Variants in YAP1 observed in about 807,000 individuals in gnomAD.
YAP1 encodes Yes1 associated transcriptional regulator.
In YAP1, 5 loss-of-function variants were observed where a neutral mutation model predicts 56.9. The observed-to-expected ratio is 0.09, with a 90% CI of 0.05 to 0.18. The LOEUF (loss-of-function observed/expected upper bound fraction) is 0.18, where lower values mean the gene tolerates loss of function less well. Among genes scored for constraint, YAP1 ranks in the 10% least tolerant of loss-of-function variants. The probability of loss-of-function intolerance (pLI) is 1.00; values close to 1 mark genes in which losing one functional copy is unlikely to be tolerated. For synonymous variants in YAP1, 265 were observed against 248.1 expected (o/e 1.07, Z -0.64); for missense variants, 539 against 651.8 (o/e 0.83, Z 1.88).
At chr11:102,113,650 A>G (rs1461470488) in intron 1 of YAP1, among the ~76,000 whole-genome samples, 1 of 152,170 alleles carries the variant, frequency 6.6e-6, no homozygotes, top group African/African-American at 2.4e-5. Context: ...ATGGCATTTT[A>G]TCATGGTTGG....
chr11:102,155,433 A>G (rs1662275951), intron 2 of YAP1, among the ~76,000 whole-genome samples: 1 of 152,188 alleles, frequency 6.6e-6, no homozygotes, highest in Admixed American at 6.5e-5. Flanking sequence ...CTAACTTACA[A>G]TATGAATCTT....
chr11:102,186,295 T>A, intron 4 of YAP1, 164 bp downstream of exon 4: 1 of 782,160 alleles, frequency 1.3e-6, no homozygotes, highest in Non-Finnish European at 2.0e-6. Context: ...CTTCTCATTG[T>A]AAACTTGAGA....
intron 6 of YAP1, among the ~76,000 whole-genome samples, chr11:102,218,637 A>G (rs1246983279): frequency 6.6e-6 from 1 of 152,270 alleles, no homozygotes; most frequent in East Asian, 1.9e-4. Flanking sequence ...TTTCAAGTCT[A>G]ATTTAGGTGA....
rs984440043 is a variant in YAP1, at chr11:102,165,184, C to A, written c.688+2613C>A. On this transcript the variant is annotated intron_variant, in intron 3 of 8. Transcript: ENST00000282441. The stretch of plus-strand genomic sequence containing the variant: ...GACCCGCCTGGGAAACATGGTGAAA[C>A]CTTGTCTCTACAAAAAAAAAAAAAT... Among the ~76,000 whole-genome samples, 5 of 150,932 alleles carry A rather than the reference C, an allele frequency of 3.3e-5. No individual in the cohort carries two copies. In the East Asian group the frequency reaches 5.8e-4, roughly 18 times the overall value.
rs1413984426 is a variant in YAP1, at chr11:102,209,540, C to T, written c.1008C>T (p.Ser336=). ...AGGCAATGCGGAATATCAATCCCAGCACAGCAAATTCTCCAAAATGTCAGG... is the reference window on the plus strand; with the variant it reads ...AGGCAATGCGGAATATCAATCCCAGTACAGCAAATTCTCCAAAATGTCAGG... ...LRQAMRNINP[S]TANSPKCQEL... The change falls in exon 6 of 9, where the codon AGC becomes AGT. Residue 336 remains serine (S), a synonymous_variant. Coordinates refer to ENST00000282441, the MANE Select transcript of YAP1 (RefSeq NM_001130145.3). 2 of 1,598,560 alleles carry T rather than the reference C, an allele frequency of 1.3e-6. No homozygotes were observed. Among genetic ancestry groups the T allele is most frequent in the Non-Finnish European group, 1.7e-6 (2 of 1,175,456 alleles).
chr11:102,189,850 CAGAGTT>C (rs1474776701), intron 4 of YAP1, among the ~76,000 whole-genome samples: 13 of 152,152 alleles, frequency 8.5e-5, no homozygotes, highest in South Asian at 4.1e-4. Flanking sequence ...TCTTTTTCAT[CAGAGTT>C]AAATATTTGG....
intron 2 of YAP1, among the ~76,000 whole-genome samples, chr11:102,130,720 C>CTTTTTTTTTTT (rs61175592): frequency 3.1e-5 from 3 of 98,156 alleles, no homozygotes; most frequent in Non-Finnish European, 4.0e-5. Flanking sequence ...GATAACTACT[C>CTTTTTTTTTTT]TTTTTTTTTT....
At chr11:102,207,833 A>G (rs1949199108) in intron 5 of YAP1, among the ~76,000 whole-genome samples, 1 of 152,236 alleles carries the variant, frequency 6.6e-6, no homozygotes, top group African/African-American at 2.4e-5. Context: ...GTAAGACAGT[A>G]TGTGCCAACA....
chr11:102,120,012 A>G (rs1380776696), intron 2 of YAP1, among the ~76,000 whole-genome samples: 2 of 152,220 alleles, frequency 1.3e-5, no homozygotes, highest in Non-Finnish European at 2.9e-5. Flanking sequence ...GGGAGGTCTT[A>G]AAGAGCTGTG....
Position 102,229,033 on chromosome 11 carries a change from A to G in YAP1, c.1277-669A>G, listed in dbSNP as rs1053051325. ...TCTAATCTGTATTGCTCTCTTCTCC[A>G]GACCCCTGTAGCACTTAATGGTTTA... On this transcript the variant is annotated intron_variant, in intron 8 of 8. Transcript: ENST00000282441. Among the ~76,000 whole-genome samples the G allele has an allele frequency of 5.9e-5, 9 of 152,212 alleles. 1 individual carries two copies. The highest frequency in any genetic ancestry group is 3.9e-4 in the Admixed American group (6 of 15,284).
intron 4 of YAP1, among the ~76,000 whole-genome samples, chr11:102,191,570 T>C (rs1001125087): frequency 1.1e-4 from 17 of 152,154 alleles, no homozygotes; most frequent in Non-Finnish European, 2.1e-4. Flanking sequence ...TACATGAAAA[T>C]TTGAGAGGGA....
intron 1 of YAP1, 99 bp downstream of exon 1, chr11:102,111,268 G>T: frequency 1.4e-6 from 2 of 1,451,340 alleles, no homozygotes; most frequent in Non-Finnish European, 1.9e-6. Flanking sequence ...AGGGGAGGGG[G>T]GTTGCGGGAA....
At chr11:102,134,241 G>A (rs1377617955) in intron 2 of YAP1, among the ~76,000 whole-genome samples, 1 of 152,004 alleles carries the variant, frequency 6.6e-6, no homozygotes, top group African/African-American at 2.4e-5. Context: ...TGACTTGTTA[G>A]GGAAACCTTT....
At chr11:102,224,336 G>A (rs1950090835) in intron 7 of YAP1, among the ~76,000 whole-genome samples, 1 of 152,200 alleles carries the variant, frequency 6.6e-6, no homozygotes, top group African/African-American at 2.4e-5. Context: ...CAGACAGATT[G>A]CAATATTACA....
chr11:102,206,433 C>T (rs1949123420), intron 5 of YAP1, among the ~76,000 whole-genome samples: 1 of 152,230 alleles, frequency 6.6e-6, no homozygotes, highest in Admixed American at 6.5e-5. Context: ...GAACATCACT[C>T]AGGAGAAAAC....
intron 4 of YAP1, among the ~76,000 whole-genome samples, chr11:102,200,924 G>A (rs1052828862): frequency 5.3e-5 from 8 of 152,098 alleles, no homozygotes; most frequent in Admixed American, 6.5e-5. Context: ...ACCCAAAATT[G>A]GCAAGTCCTT....
At chr11:102,181,775 A>G (rs1476252467) in intron 3 of YAP1, among the ~76,000 whole-genome samples, 1 of 152,182 alleles carries the variant, frequency 6.6e-6, no homozygotes, top group Non-Finnish European at 1.5e-5. Flanking sequence ...AATTTGAGAA[A>G]TACTTCTGTA....
chr11:102,149,758 T>C (rs1186836197), intron 2 of YAP1, among the ~76,000 whole-genome samples: 1 of 152,116 alleles, frequency 6.6e-6, no homozygotes, highest in Non-Finnish European at 1.5e-5. Flanking sequence ...TAAATTAATT[T>C]TCCTCCTCTT....
At chr11:102,219,404 C>G (rs540058519) in intron 6 of YAP1, among the ~76,000 whole-genome samples, 9 of 152,204 alleles carry the variant, frequency 5.9e-5, no homozygotes, top group African/African-American at 1.9e-4. Context: ...CTAATCCAAT[C>G]TCAAGATCGA....
Sources: gnomAD v4.1 joint callset for allele counts (sites outside exome capture counted in the v4.1 genomes callset) on GRCh38, gnomAD v4.1.1 for gene constraint, MANE v1.5 for transcripts, NCBI Gene and HGNC (gene_info 2026-07-23, HGNC 2026-07-21) for gene names.